ITGAV: variants seen among roughly 807,000 people sequenced by gnomAD.
ITGAV encodes the protein integrin alpha-V.
A neutral mutation model predicts 143.8 loss-of-function variants in ITGAV; 76 were observed. That is an observed-to-expected ratio of 0.53 (90% CI 0.44 to 0.64). The LOEUF is 0.64. Among genes scored for constraint, ITGAV ranks in the 30% least tolerant of loss-of-function variants. The pLI is 0.00. For synonymous variants in ITGAV, 453 were observed against 446.7 expected (o/e 1.01, Z -0.18); for missense variants, 1,193 against 1,274.7 (o/e 0.94, Z 0.98).
intron 14 of ITGAV, among the ~76,000 whole-genome samples, chr2:186,650,329 T>C (rs572574782): frequency 2.0e-4 from 31 of 152,126 alleles, no homozygotes; most frequent in Admixed American, 7.8e-4. Flanking sequence ...GCCTCCCAAG[T>C]AGGTGGGGTT....
intron 2 of ITGAV, among the ~76,000 whole-genome samples, chr2:186,620,869 T>C (rs1687501159): frequency 6.6e-6 from 1 of 152,288 alleles, no homozygotes; most frequent in East Asian, 1.9e-4. Flanking sequence ...AAGTGCCATA[T>C]TAAGGGAGAA....
rs1167808387 is a variant in ITGAV at position 186,641,414 on chromosome 2, C to A, written c.985C>A (p.Leu329Ile). ...TGCAGATGTGTTTATTGGAGCACCT[C>A]TCTTCATGGATCGTGGCTCTGATGG... ...DYADVFIGAPLFMDRGSDGKL... is the reference protein window; with the variant it reads ...DYADVFIGAPIFMDRGSDGKL... Residue 329 changes from leucine to isoleucine, a missense_variant, in exon 12 of 30, where the codon CTC becomes ATC. Transcript: ENST00000261023. 1.4e-5 allele frequency: 23 copies of A among 1,614,128 alleles called. No individual in the cohort carries two copies. The highest frequency in any genetic ancestry group is 1.6e-4 in the Middle Eastern group (1 of 6,062).
chr2:186,651,952 T>A, intron 14 of ITGAV, 30 bp from the exon 15 acceptor site: 1 of 1,325,124 alleles, frequency 7.5e-7, no homozygotes, highest in Non-Finnish European at 1.1e-6. Flanking sequence ...AATAATTTTT[T>A]ACTTCATCTT....
chr2:186,647,736 T>G (rs1688302467), intron 13 of ITGAV, among the ~76,000 whole-genome samples: 1 of 152,184 alleles, frequency 6.6e-6, no homozygotes, highest in South Asian at 2.1e-4. Flanking sequence ...CTTATACACT[T>G]TGGAGCATTA....
chr2:186,644,459 G>A (rs1421871834), intron 12 of ITGAV, among the ~76,000 whole-genome samples: 1 of 151,922 alleles, frequency 6.6e-6, no homozygotes, highest in Non-Finnish European at 1.5e-5. Context: ...CTGAGTAGCT[G>A]GGACTACAGG....
At chr2:186,606,965 T>A (rs1687085484) in intron 2 of ITGAV, among the ~76,000 whole-genome samples, 1 of 152,098 alleles carries the variant, frequency 6.6e-6, no homozygotes, top group Admixed American at 6.5e-5. Context: ...CTTCGTCTGC[T>A]TGAAATGATC....
At chr2:186,670,206 T>C (rs1156943682) in intron 26 of ITGAV, among the ~76,000 whole-genome samples, 1 of 152,218 alleles carries the variant, frequency 6.6e-6, no homozygotes, top group Non-Finnish European at 1.5e-5. Flanking sequence ...ATATAATGGC[T>C]ATAATGTTTT....
intron 2 of ITGAV, among the ~76,000 whole-genome samples, chr2:186,622,026 G>A (rs766828196): frequency 4.6e-5 from 7 of 152,020 alleles, no homozygotes; most frequent in Non-Finnish European, 8.8e-5. Flanking sequence ...GCGATCATAC[G>A]TATTTGTTTA....
At chr2:186,616,057 ATTTC>A (rs1687348621) in intron 2 of ITGAV, among the ~76,000 whole-genome samples, 1 of 151,872 alleles carries the variant, frequency 6.6e-6, no homozygotes, top group Non-Finnish European at 1.5e-5. Flanking sequence ...TGAAAAGACT[ATTTC>A]TTTGCCACTG....
In ITGAV at chr2:186,663,757, T is replaced by C. The variant is rs753743843; in HGVS notation, c.1858-11T>C. ...ATTTTTCATGTAGAAAAATAAAATG[T>C]TTTTTTCTAGGCTCACATTCTACTT... On this transcript the variant is annotated splice_polypyrimidine_tract_variant and intron_variant, in intron 18 of 29. Coordinates refer to ENST00000261023, the MANE Select transcript of ITGAV (RefSeq NM_002210.5). 1.9e-5 allele frequency: 30 copies of C among 1,605,842 alleles called. No individual in the cohort carries two copies. The Admixed American group carries it at 2.0e-4, about 11-fold the overall frequency.
chr2:186,677,168 A>G (rs201899473), intron 29 of ITGAV, 29 bp from the exon 30 acceptor site: 1 of 1,581,418 alleles, frequency 6.3e-7, no homozygotes, highest in Non-Finnish European at 8.7e-7. Context: ...CTGATGTGAC[A>G]GTAATAATGG....
chr2:186,639,130 A>G (rs1453181197), intron 10 of ITGAV, among the ~76,000 whole-genome samples: 1 of 152,094 alleles, frequency 6.6e-6, no homozygotes, highest in Admixed American at 6.6e-5. Flanking sequence ...TTTCTCAGCT[A>G]AAAAAATGCT....
chr2:186,608,177 G>C (rs1414156922), intron 2 of ITGAV, among the ~76,000 whole-genome samples: 1 of 152,140 alleles, frequency 6.6e-6, no homozygotes. Context: ...AGGTATGTCT[G>C]GTTCTGTCCT....
chr2:186,623,569 G>A (rs1235104563), intron 3 of ITGAV, among the ~76,000 whole-genome samples: 1 of 152,072 alleles, frequency 6.6e-6, no homozygotes, highest in Admixed American at 6.5e-5. Context: ...ACCCATGGCT[G>A]TAAGTATAAT....
chr2:186,661,507 G>A (rs1258327397), intron 18 of ITGAV, among the ~76,000 whole-genome samples: 1 of 151,806 alleles, frequency 6.6e-6, no homozygotes, highest in African/African-American at 2.4e-5. Context: ...TAATCCTTTG[G>A]TGTTAGAGAT....
At chr2:186,617,617 T>A (rs1559044671) in intron 2 of ITGAV, among the ~76,000 whole-genome samples, 1 of 152,208 alleles carries the variant, frequency 6.6e-6, no homozygotes, top group South Asian at 2.1e-4. Context: ...GCATAGAGCC[T>A]TATGTTAATT....
intron 4 of ITGAV, among the ~76,000 whole-genome samples, chr2:186,628,716 C>CTA (rs1687742147): frequency 6.6e-6 from 1 of 152,058 alleles, no homozygotes; most frequent in African/African-American, 2.4e-5. Flanking sequence ...TCTAAATTGC[C>CTA]TAGCCACTTT....
Position 186,676,061 on chromosome 2 carries a change from A to G in ITGAV, c.2928+134A>G, listed in dbSNP as rs577586851. The G allele has an allele frequency of 8.1e-6, 5 of 617,084 alleles. No individual in the cohort carries two copies. In the Admixed American group the frequency reaches 9.3e-5, roughly 11 times the overall value. The allele number at this position is 617,084 out of a possible 1,614,324, so 38.2% of individuals were successfully genotyped here. On this transcript the variant is annotated intron_variant, in intron 28 of 29. Coordinates refer to ENST00000261023, the MANE Select transcript of ITGAV (RefSeq NM_002210.5). ...ACTAATGAAGTTATATGATAGCATT[A>G]TAACCTAGTTTAATATTATCATTTT...
chr2:186,664,444 C>G (rs758275511), intron 19 of ITGAV, 50 bp from the exon 20 acceptor site: 2 of 1,556,664 alleles, frequency 1.3e-6, no homozygotes, highest in East Asian at 2.2e-5. Flanking sequence ...GTCATACTTT[C>G]CCCATGTAGT....
Sources: allele counts gnomAD v4.1 joint callset (sites outside exome capture counted in the v4.1 genomes callset), GRCh38; gene constraint gnomAD v4.1.1; transcripts MANE v1.5; gene names NCBI Gene and HGNC (gene_info 2026-07-23, HGNC 2026-07-21).